The following CEP112 variants were observed in gnomAD, a reference collection of about 807,000 sequenced individuals.
CEP112 encodes centrosomal protein of 112 kDa.
A neutral mutation model predicts 153.0 loss-of-function variants in CEP112; 127 were observed. The ratio of observed to expected loss-of-function variants is 0.83; its 90% CI spans 0.72 to 0.96. The LOEUF is 0.96. Ranked by LOEUF, CEP112 falls within the 40% of genes least tolerant of loss-of-function variation. CEP112 has a pLI of 0.00. For synonymous variants in CEP112, 358 were observed against 374.4 expected (o/e 0.96, Z 0.51); for missense variants, 1,089 against 1,101.2 (o/e 0.99, Z 0.16).
At chr17:65,971,204 C>T (rs910908614) in intron 17 of CEP112, among the ~76,000 whole-genome samples, 2 of 151,996 alleles carry the variant, frequency 1.3e-5, no homozygotes, top group Admixed American at 1.3e-4. Flanking sequence ...TCACATTGCA[C>T]GTATGTATAT....
At chr17:65,982,583 C>T (rs181599010) in intron 17 of CEP112, among the ~76,000 whole-genome samples, 6 of 152,260 alleles carry the variant, frequency 3.9e-5, no homozygotes, top group African/African-American at 1.4e-4. Flanking sequence ...CTTTTGTGGG[C>T]GATAGCTGCA....
In CEP112 at chr17:66,066,785, T is replaced by C. The variant is rs148399609; in HGVS notation, c.948A>G (p.Glu316=). The C allele has an allele frequency of 9.1e-6, 14 of 1,533,098 alleles. No individual in the cohort carries two copies. In the East Asian group the frequency reaches 1.9e-4, roughly 21 times the overall value. 95.0% of individuals were successfully genotyped at this position (1,533,098 alleles called of 1,614,324 possible). The change falls in exon 10 of 27, where the codon GAA becomes GAG. Residue 316 remains glutamate (E), a synonymous_variant. Transcript: ENST00000535342. ...HETEETIRKL[E]KKVQTLIRDC... ...GTAACAACACAACATCACCTTTCTT[T>C]TCAAGCTTTCTAATAGTCTCTTCAG...
At chr17:65,890,574 G>A (rs1414876830) in intron 20 of CEP112, among the ~76,000 whole-genome samples, 1 of 152,102 alleles carries the variant, frequency 6.6e-6, no homozygotes, top group Non-Finnish European at 1.5e-5. Context: ...GGCCTGAAGG[G>A]TAAGTACGCT....
At chr17:65,898,223 G>A (rs193006463) in intron 20 of CEP112, among the ~76,000 whole-genome samples, 1 of 152,132 alleles carries the variant, frequency 6.6e-6, no homozygotes, top group East Asian at 1.9e-4. Flanking sequence ...ATGTATGTAG[G>A]TATAACAAGA....
intron 20 of CEP112, among the ~76,000 whole-genome samples, chr17:65,882,008 T>C (rs149312915): frequency 2.3e-3 from 354 of 152,368 alleles, no homozygotes; most frequent in African/African-American, 8.2e-3. Context: ...CTGCTTTTCA[T>C]GGACATGGTA....
intron 23 of CEP112, among the ~76,000 whole-genome samples, chr17:65,704,045 T>A (rs1382573372): frequency 6.6e-6 from 1 of 152,014 alleles, no homozygotes; most frequent in African/African-American, 2.4e-5. Context: ...GAGGTCACCC[T>A]GGAGTAGAGT....
intron 18 of CEP112, among the ~76,000 whole-genome samples, chr17:65,938,961 G>A (rs11079601): frequency 0.48 from 72,660 of 151,610 alleles, 18,400 homozygotes; most frequent in East Asian, 0.89. Flanking sequence ...ACAGGTGCTC[G>A]CCACCATGCC....
chr17:66,181,033 G>T (rs1260876475), intron 2 of CEP112, among the ~76,000 whole-genome samples: 1 of 152,082 alleles, frequency 6.6e-6, no homozygotes. Flanking sequence ...ATAAACTTAA[G>T]TAAATAGTTT....
intron 21 of CEP112, among the ~76,000 whole-genome samples, chr17:65,801,186 G>C (rs1176485412): frequency 6.6e-6 from 1 of 152,066 alleles, no homozygotes; most frequent in African/African-American, 2.4e-5. Flanking sequence ...AGCTTCCTGA[G>C]TGGCTGGGAC....
At chr17:65,992,726 C>A (rs1045462282) in intron 17 of CEP112, among the ~76,000 whole-genome samples, 2 of 152,094 alleles carry the variant, frequency 1.3e-5, no homozygotes, top group Non-Finnish European at 2.9e-5. Context: ...ATATTTTTCA[C>A]CAACCTTACA....
chr17:65,990,903 T>C (rs1368956306), intron 17 of CEP112, among the ~76,000 whole-genome samples: 1 of 152,176 alleles, frequency 6.6e-6, no homozygotes, highest in East Asian at 1.9e-4. Flanking sequence ...GAGCAGCGAC[T>C]GGGGAACTTC....
chr17:65,823,491 C>T (rs1024708466), intron 21 of CEP112, among the ~76,000 whole-genome samples: 2 of 152,084 alleles, frequency 1.3e-5, no homozygotes, highest in East Asian at 1.9e-4. Flanking sequence ...ATATATTGCA[C>T]CATCCACAAA....
At chr17:65,878,195 A>G (rs1259849934) in intron 20 of CEP112, among the ~76,000 whole-genome samples, 1 of 151,790 alleles carries the variant, frequency 6.6e-6, no homozygotes, top group Non-Finnish European at 1.5e-5. Flanking sequence ...TCATTGCAAA[A>G]AAAGAAGGAA....
At chr17:65,808,946 T>A (rs2055779660) in intron 21 of CEP112, among the ~76,000 whole-genome samples, 1 of 152,114 alleles carries the variant, frequency 6.6e-6, no homozygotes, top group Non-Finnish European at 1.5e-5. Context: ...CAAAATTGAG[T>A]TTGGCCCTCC....
intron 21 of CEP112, among the ~76,000 whole-genome samples, chr17:65,813,265 G>A (rs1181474083): frequency 6.6e-6 from 1 of 152,164 alleles, no homozygotes; most frequent in East Asian, 1.9e-4. Flanking sequence ...AGAGCTGAAA[G>A]ATCAGTCAAG....
intron 24 of CEP112, among the ~76,000 whole-genome samples, chr17:65,687,458 G>A (rs1275146431): frequency 2.0e-5 from 3 of 151,906 alleles, no homozygotes; most frequent in Non-Finnish European, 4.4e-5. Flanking sequence ...GAGCCACTGC[G>A]CCCGGCCTAG....
chr17:65,740,462 C>T (rs1023596250), intron 23 of CEP112, among the ~76,000 whole-genome samples: 7 of 152,162 alleles, frequency 4.6e-5, no homozygotes, highest in Non-Finnish European at 1.0e-4. Flanking sequence ...AAATTATCCT[C>T]AAGAAATGTT....
At position 65,667,176 on chromosome 17, in the gene CEP112, T is replaced by C. The variant is rs948461134; in HGVS notation, c.2697+21953A>G. On this transcript the variant is annotated intron_variant, in intron 24 of 26. Transcript: ENST00000535342. ...TCCCTTTTATAAAGTGAGGGATTAG[T>C]GCCACCTTCTTTGTAGCAATGTCGT... Among the ~76,000 whole-genome samples, 7 of 152,134 alleles carry C rather than the reference T, an allele frequency of 4.6e-5. 1 individual carries two copies. The highest frequency in any genetic ancestry group is 4.6e-4 in the Admixed American group (7 of 15,276).
chr17:66,040,918 C>T (rs982586016), intron 12 of CEP112, among the ~76,000 whole-genome samples: 16 of 152,000 alleles, frequency 1.1e-4, no homozygotes, highest in African/African-American at 3.9e-4. Context: ...CTAGTCCAGG[C>T]CAAGAAGATA....
Sources: allele counts gnomAD v4.1 joint callset (sites outside exome capture counted in the v4.1 genomes callset), GRCh38; gene constraint gnomAD v4.1.1; transcripts MANE v1.5; gene names NCBI Gene and HGNC (gene_info 2026-07-23, HGNC 2026-07-21).